SECISBP2L: variants seen among roughly 807,000 people sequenced by gnomAD.
SECISBP2L encodes selenocysteine insertion sequence-binding protein 2-like.
A neutral mutation model predicts 114.7 loss-of-function variants in SECISBP2L; 43 were observed. The ratio of observed to expected loss-of-function variants is 0.38; its 90% CI spans 0.29 to 0.48. The LOEUF is 0.48. Ranked by LOEUF, SECISBP2L falls within the 20% of genes least tolerant of loss-of-function variation. The pLI is 0.98. For missense variants in SECISBP2L, 1,136 were observed against 1,301.1 expected, an observed-to-expected ratio of 0.87 and a Z score of 1.95; for synonymous variants, 451 against 439.7, an observed-to-expected ratio of 1.03 and a Z score of -0.32.
In SECISBP2L at chr15:48,989,129, G is replaced by GTT. The variant is rs11401269; in HGVS notation, c.*3113_*3114dup. On this transcript the variant is annotated 3_prime_UTR_variant, in exon 18 of 18. Transcript: ENST00000559471. ...CATACAGAAAATACATGACAAGGGT[G>GTT]TTTTTTTTTTTTAAGCAAACAGCAG... 1.1e-3 allele frequency: 163 copies of GTT among 146,862 alleles called. No homozygotes were observed. Among genetic ancestry groups the GTT allele is most frequent in the Admixed American group, 5.0e-3 (73 of 14,670 alleles). The allele number at this position is 146,862 out of a possible 1,614,324, so 9.1% of individuals were successfully genotyped here.
At position 49,001,043 on chromosome 15, in the gene SECISBP2L, G is replaced by A. The variant is rs898093892; in HGVS notation, c.2082C>T (p.Leu694=). ...GTTCCTGGAAACTGACAAGCTCTTG[G>A]AGAAGAAGAGTCACACATTCATCAA... ...KEIDECVTLL[L]QELVSFQERI... The change falls in exon 15 of 18, where the codon CTC becomes CTT. Residue 694 remains leucine (L), a synonymous_variant. Coordinates refer to ENST00000559471, the MANE Select transcript of SECISBP2L (RefSeq NM_001193489.2). 5.6e-6 allele frequency: 9 copies of A among 1,613,464 alleles called. No homozygotes were observed. The African/African-American group carries it at 1.2e-4, about 22-fold the overall frequency.
chr15:49,017,662 C>G, intron 8 of SECISBP2L, 34 bp from the exon 9 acceptor site: 1 of 1,472,368 alleles, frequency 6.8e-7, no homozygotes, highest in South Asian at 1.2e-5. Context: ...AAAAAGAGTT[C>G]AAGGCAAACT....
chr15:48,999,743 T>G, intron 16 of SECISBP2L, 90 bp downstream of exon 16: 2 of 1,412,960 alleles, frequency 1.4e-6, no homozygotes, highest in Non-Finnish European at 1.9e-6. Context: ...CTTCAAATGC[T>G]TAAACATAAC....
At chr15:49,007,039 T>C (rs1902338161) in intron 14 of SECISBP2L, among the ~76,000 whole-genome samples, 1 of 152,202 alleles carries the variant, frequency 6.6e-6, no homozygotes, top group Non-Finnish European at 1.5e-5. Context: ...GTTTTCCTTC[T>C]AACAGTCAGG....
chr15:49,004,727 C>T (rs957890439), intron 14 of SECISBP2L, among the ~76,000 whole-genome samples: 1 of 152,260 alleles, frequency 6.6e-6, no homozygotes, highest in Non-Finnish European at 1.5e-5. Flanking sequence ...TCAGTTTCCA[C>T]GTAGTTGTGC....
intron 14 of SECISBP2L, chr15:49,001,758 C>T (rs1161133131): frequency 6.6e-6 from 1 of 152,256 alleles, no homozygotes. Context: ...TCATGGTTTC[C>T]AGCTTCATCC....
intron 4 of SECISBP2L, among the ~76,000 whole-genome samples, chr15:49,031,061 C>CTTTT (rs1566861328): frequency 5.2e-5 from 4 of 77,040 alleles, no homozygotes; most frequent in Non-Finnish European, 8.8e-5. Flanking sequence ...TTTTTTTTTT[C>CTTTT]CCTTTTGAGA....
At chr15:48,993,100 A>AGAGAGAGTGTGTGTGTGTGTGT (rs772299775) in intron 17 of SECISBP2L, among the ~76,000 whole-genome samples, 174 bp from the exon 18 acceptor site, 1 of 139,130 alleles carries the variant, frequency 7.2e-6, no homozygotes, top group African/African-American at 2.8e-5. Context: ...ACAGAGAGAG[A>AGAGAGAGTGTGTGTGTGTGTGT]GTGTGTGTGT....
intron 1 of SECISBP2L, among the ~76,000 whole-genome samples, chr15:49,042,074 G>T (rs1210053106): frequency 6.6e-6 from 1 of 152,092 alleles, no homozygotes; most frequent in South Asian, 2.1e-4. Flanking sequence ...CAAATCTAAT[G>T]TTTTTTAAAT....
chr15:49,025,283 T>C (rs976888260), intron 7 of SECISBP2L, among the ~76,000 whole-genome samples: 1 of 152,150 alleles, frequency 6.6e-6, no homozygotes, highest in African/African-American at 2.4e-5. Context: ...GAAGTACAGG[T>C]TGAGTTATTC....
intron 5 of SECISBP2L, 24 bp from the exon 6 acceptor site, chr15:49,028,192 A>G (rs75595801): frequency 0.015 from 23,332 of 1,561,288 alleles, 218 homozygotes; most frequent in Non-Finnish European, 0.018. Flanking sequence ...CAAAAAGACA[A>G]TTATACTCTA....
rs539729966 is a variant in SECISBP2L at position 48,989,539 on chromosome 15, T to A, written c.*2705A>T. 2.6e-5 allele frequency: 4 copies of A among 152,708 alleles called. No individual in the cohort carries two copies. Among genetic ancestry groups the A allele is most frequent in the Admixed American group, 6.5e-5 (1 of 15,296 alleles). The allele number at this position is 152,708 out of a possible 1,614,324, so 9.5% of individuals were successfully genotyped here. A position where few individuals can be genotyped will look rare whatever the true frequency, so the allele number is the denominator to read the frequency against. On this transcript the variant is annotated 3_prime_UTR_variant, in exon 18 of 18. Transcript: ENST00000559471. ...TTACAAACATATTTAAACCGAAAAT[T>A]AAGCTAATATGAACATCTGTCTTTT...
chr15:48,996,990 A>T (rs1317429833), intron 16 of SECISBP2L, among the ~76,000 whole-genome samples: 1 of 152,142 alleles, frequency 6.6e-6, no homozygotes, highest in East Asian at 1.9e-4. Context: ...AAGGCATAAC[A>T]CCTTACATGC....
chr15:49,036,035 C>G (rs1285059996), intron 2 of SECISBP2L, among the ~76,000 whole-genome samples: 1 of 152,184 alleles, frequency 6.6e-6, no homozygotes, highest in Non-Finnish European at 1.5e-5. Context: ...ACCGTGACAG[C>G]CTTCTGTAAA....
chr15:49,041,952 T>C lies in SECISBP2L; in HGVS notation c.25-4183A>G, dbSNP rs887481147. ...AACACAGTACTTACACGTGTAAGTT[T>C]CACAGACTCCAGACAATAATGAGGA... On this transcript the variant is annotated intron_variant, in intron 1 of 17. Coordinates refer to ENST00000559471, the MANE Select transcript of SECISBP2L (RefSeq NM_001193489.2). 2.0e-5 allele frequency among the ~76,000 whole-genome samples: 3 copies of C among 152,242 alleles called. No individual in the cohort carries two copies. In the East Asian group the frequency reaches 5.8e-4, roughly 29 times the overall value.
chr15:49,025,142 GCT>G (rs1010964415), intron 7 of SECISBP2L, among the ~76,000 whole-genome samples: 2 of 152,114 alleles, frequency 1.3e-5, no homozygotes, highest in African/African-American at 2.4e-5. Context: ...TCCCCTTTTA[GCT>G]CTTTTGTTTT....
At chr15:49,009,850 G>C (rs1041482915) in intron 13 of SECISBP2L, among the ~76,000 whole-genome samples, 17 of 152,270 alleles carry the variant, frequency 1.1e-4, no homozygotes, top group African/African-American at 3.4e-4. Context: ...GCACCTCTTA[G>C]GCCGGGCATG....
intron 2 of SECISBP2L, 77 bp from the exon 3 acceptor site, chr15:49,035,735 CACTA>C: frequency 7.5e-7 from 1 of 1,328,462 alleles, no homozygotes; most frequent in South Asian, 1.4e-5. Flanking sequence ...TCTTAACTTA[CACTA>C]ATAAAAGACA....
intron 11 of SECISBP2L, chr15:49,013,216 T>C (rs757690552): frequency 2.5e-4 from 39 of 155,596 alleles, no homozygotes; most frequent in Non-Finnish European, 5.0e-4. Flanking sequence ...ACTTCTCTCC[T>C]TATTTCAGTT....
Sources: allele counts gnomAD v4.1 joint callset (sites outside exome capture counted in the v4.1 genomes callset), GRCh38; gene constraint gnomAD v4.1.1; transcripts MANE v1.5; gene names NCBI Gene and HGNC (gene_info 2026-07-23, HGNC 2026-07-21).